Variants in REX1BD observed in about 807,000 individuals in gnomAD.
REX1BD encodes the protein required for excision 1-B domain-containing protein.
REX1BD carries 22 observed loss-of-function variants against 24.4 expected under a neutral mutation model. The ratio of observed to expected loss-of-function variants is 0.90; its 90% CI spans 0.64 to 1.29. The LOEUF (loss-of-function observed/expected upper bound fraction) is 1.29, where lower values mean the gene tolerates loss of function less well. Ranked by LOEUF, REX1BD falls within the 50% of genes most tolerant of loss-of-function variation. The probability of loss-of-function intolerance (pLI) is 0.00; values close to 1 mark genes in which losing one functional copy is unlikely to be tolerated. For missense variants in REX1BD, 293 were observed against 285.3 expected (o/e 1.03, Z -0.19); for synonymous variants, 146 against 125.9 (o/e 1.16, Z -1.07).
In REX1BD at chr19:18,588,831, G is replaced by A. The variant is rs754548897; in HGVS notation, c.30G>A (p.Thr10=). 7 of 1,532,874 alleles carry A rather than the reference G, an allele frequency of 4.6e-6. No homozygotes were observed. Among genetic ancestry groups the A allele is most frequent in the Non-Finnish European group, 6.1e-6 (7 of 1,145,824 alleles). The allele number at this position is 1,532,874 out of a possible 1,614,324, so 95.0% of individuals were successfully genotyped here. A position where few individuals can be genotyped will look rare whatever the true frequency, so the allele number is the denominator to read the frequency against. The change falls in exon 1 of 5, where the codon ACG becomes ACA. Residue 10 remains threonine (T), a synonymous_variant. Coordinates refer to ENST00000358607, the MANE Select transcript of REX1BD (RefSeq NM_001100418.2). MITETAAEP[T]VPAVPAAEEA... ...TCACCGAGACCGCGGCGGAGCCTAC[G>A]GTCCCTGCAGTGCCTGCTGCTGAGG... is the stretch of plus-strand genomic sequence containing the variant.
rs895927711 is a variant in REX1BD at position 18,589,051 on chromosome 19, C to T, written c.156C>T (p.Arg52=). The T allele has an allele frequency of 2.0e-6, 3 of 1,521,830 alleles. No individual in the cohort carries two copies. In the Admixed American group the frequency reaches 6.2e-5, roughly 32 times the overall value. The allele number at this position is 1,521,830 out of a possible 1,614,324, so 94.3% of individuals were successfully genotyped here. ...GCATCCACCAGCTGCAGGCTGAGCG[C>T]GCGCAGGGCTTCCGCCGACTGGAGG... ...VQRIHQLQAE[R]AQGFRRLEEW... The change falls in exon 2 of 5, where the codon CGC becomes CGT. Residue 52 remains arginine, a synonymous_variant. Transcript: ENST00000358607.
chr19:18,589,101 C>T (rs1975979278), intron 2 of REX1BD, 24 bp downstream of exon 2: 2 of 1,481,508 alleles, frequency 1.3e-6, no homozygotes, highest in Middle Eastern at 1.9e-4. Flanking sequence ...CGGAGGGGCT[C>T]AGGGTTCGGT....
rs34396868 is a variant in REX1BD at position 18,589,672 on chromosome 19, C to A, written c.442C>A (p.Arg148=). Residue 148 remains arginine (R), a synonymous_variant, in exon 3 of 5, where the codon CGG becomes AGG. Transcript: ENST00000358607. ...CAGCCTGCAGGAGCTGGAGCAGACG[C>A]GGCTGGGCACGGTGAGGCCACCACC... ...VRSLQELEQT[R]LGTVALLQLM... is the part of the protein sequence containing the mutation. 5,399 of 1,478,470 alleles carry A rather than the reference C, an allele frequency of 3.7e-3. 175 individuals are homozygous for A. The African/African-American group carries it at 0.068, about 19-fold the overall frequency. The allele number at this position is 1,478,470 out of a possible 1,614,324, so 91.6% of individuals were successfully genotyped here.
chr19:18,591,878 GCCA>G, intron 4 of REX1BD: 1 of 556,486 alleles, frequency 1.8e-6, no homozygotes, highest in Non-Finnish European at 3.2e-6. Context: ...ACAGGCGTGA[GCCA>G]CCATGCCCAG....
chr19:18,589,180 T>C (rs2074174), intron 2 of REX1BD, 103 bp downstream of exon 2: 762,769 of 1,483,970 alleles, frequency 0.51, 198,933 homozygotes, highest in African/African-American at 0.71. Flanking sequence ...GGTCCTTGTG[T>C]GGCTGCAGAG....
At chr19:18,590,124 G>A (rs1220742452) in intron 3 of REX1BD, 1 of 165,954 alleles carries the variant, frequency 6.0e-6, no homozygotes, top group Admixed American at 6.3e-5. Flanking sequence ...CCGCCTGCTC[G>A]GCCCTGCAAC....
intron 4 of REX1BD, chr19:18,591,345 C>T (rs1976036199): frequency 6.4e-6 from 1 of 155,996 alleles, no homozygotes; most frequent in Non-Finnish European, 1.4e-5. Flanking sequence ...GATGCAGTCT[C>T]ACTCTGTCAC....
At chr19:18,591,982 C>A in intron 4 of REX1BD, 126 bp from the exon 5 acceptor site, 1 of 1,035,282 alleles carries the variant, frequency 9.7e-7, no homozygotes, top group Non-Finnish European at 1.5e-6. Flanking sequence ...GCTAGTGCTG[C>A]CTGGAGGTTT....
chr19:18,590,214 G>GTT (rs71166528), intron 3 of REX1BD: 892 of 77,720 alleles, frequency 0.011, 25 homozygotes, highest in African/African-American at 0.044. Context: ...TCTTTCTGGT[G>GTT]TTTTTTTTTT....
chr19:18,590,842 T>C lies in REX1BD; in HGVS notation c.454-12T>C. 6.2e-7 allele frequency: 1 copy of C among 1,601,388 alleles called. No homozygotes were observed. The highest frequency in any genetic ancestry group is 8.5e-7 in the Non-Finnish European group (1 of 1,174,486). On this transcript the variant is annotated splice_polypyrimidine_tract_variant and intron_variant, in intron 3 of 4. Coordinates refer to ENST00000358607, the MANE Select transcript of REX1BD (RefSeq NM_001100418.2). ...GTGGAGACATCCTTCGTGTTGCTCA[T>C]TCCCCCACCAGGTGGCCCTGCTGCA...
intron 3 of REX1BD, chr19:18,590,085 T>G: frequency 5.0e-6 from 1 of 199,970 alleles, no homozygotes. Context: ...ATCACAGCTT[T>G]AGTTCTTTGC....
intron 4 of REX1BD, chr19:18,591,620 CTTTTCTT>C (rs959756687): frequency 5.7e-5 from 9 of 159,098 alleles, no homozygotes; most frequent in African/African-American, 2.0e-4. Flanking sequence ...CCTTTATTTT[CTTTTCTT>C]TTTTCTTTCT....
At chr19:18,590,793 G>A in intron 3 of REX1BD, 61 bp from the exon 4 acceptor site, 1 of 1,511,474 alleles carries the variant, frequency 6.6e-7, no homozygotes, top group Non-Finnish European at 9.0e-7. Flanking sequence ...AACATCCTTG[G>A]AGGGCAGGGG....
Position 18,589,342 on chromosome 19 carries a change from T to C in REX1BD, c.183-71T>C, listed in dbSNP as rs1269774234. The C allele has an allele frequency of 1.9e-6, 3 of 1,548,448 alleles. No individual in the cohort carries two copies. In the African/African-American group the frequency reaches 4.1e-5, roughly 21 times the overall value. On this transcript the variant is annotated intron_variant, in intron 2 of 4. Transcript: ENST00000358607. The stretch of plus-strand genomic sequence containing the variant: ...CCTGTCTCGCGTTCCCCTGCGGGAG[T>C]CAGGAAGCGTCCTTCCTACCTACCA...
intron 4 of REX1BD, 35 bp downstream of exon 4, chr19:18,590,968 C>G (rs970952117): frequency 6.7e-7 from 1 of 1,489,750 alleles, no homozygotes; most frequent in African/African-American, 1.4e-5. Context: ...TGGCTATGCT[C>G]GATTTGCACC....
chr19:18,589,124 C>A, intron 2 of REX1BD, 47 bp downstream of exon 2: 1 of 1,462,772 alleles, frequency 6.8e-7, no homozygotes, highest in Non-Finnish European at 9.0e-7. Flanking sequence ...CCCGCCCGCT[C>A]CGGGCGTGGG....
chr19:18,591,989 GTT>G, intron 4 of REX1BD, 117 bp from the exon 5 acceptor site: 1 of 1,147,284 alleles, frequency 8.7e-7, no homozygotes, highest in Non-Finnish European at 1.3e-6. Flanking sequence ...CTGCCTGGAG[GTT>G]TGGCGGCGGG....
chr19:18,589,380 G>A (rs1403017482), intron 2 of REX1BD, 33 bp from the exon 3 acceptor site: 2 of 1,553,338 alleles, frequency 1.3e-6, no homozygotes, highest in African/African-American at 2.7e-5. Context: ...CCTCCCCTCT[G>A]GTGTCTGGGG....
At chr19:18,589,713 C>A in intron 3 of REX1BD, 30 bp downstream of exon 3, 3 of 1,445,838 alleles carry the variant, frequency 2.1e-6, no homozygotes, top group African/African-American at 1.4e-5. Context: ...CCCGCCGTGT[C>A]TCTAGGACCC....
Sources: allele counts gnomAD v4.1 joint callset, GRCh38; gene constraint gnomAD v4.1.1; transcripts MANE v1.5; gene names NCBI Gene and HGNC (gene_info 2026-07-23, HGNC 2026-07-21).